The following SEMA3A variants were observed in gnomAD, a reference collection of about 807,000 sequenced individuals.
SEMA3A encodes semaphorin-3A.
Under a neutral mutation model 97.9 loss-of-function variants are expected in SEMA3A, and 29 were observed. That is an observed-to-expected ratio of 0.30 (90% CI 0.22 to 0.40). The LOEUF is 0.40. Among genes scored for constraint, SEMA3A ranks in the 10% least tolerant of loss-of-function variants. The pLI, the probability that SEMA3A is intolerant of heterozygous loss-of-function variation, is 1.00. For synonymous variants in SEMA3A, 321 were observed against 323.7 expected (o/e 0.99, Z 0.09); for missense variants, 763 against 951.3 (o/e 0.80, Z 2.60).
rs771879089 is a variant in SEMA3A at position 83,957,129 on chromosome 7, T to A, written c.*4242A>T. On this transcript the variant is annotated 3_prime_UTR_variant, in exon 17 of 17. Transcript: ENST00000265362. ...GGAGATGGAAACATAAACAAATAAA[T>A]CACACATTGGGGTAGTGTGACAATA... 2.6e-5 allele frequency: 4 copies of A among 152,282 alleles called. No individual in the cohort carries two copies. Among genetic ancestry groups the A allele is most frequent in the Non-Finnish European group, 5.9e-5 (4 of 68,184 alleles). 9.4% of individuals were successfully genotyped at this position (152,282 alleles called of 1,614,324 possible).
chr7:84,272,540 A>G (rs1800177462), intron 3 of SEMA3A, among the ~76,000 whole-genome samples: 1 of 152,120 alleles, frequency 6.6e-6, no homozygotes, highest in Admixed American at 6.6e-5. Context: ...GGAACTAGGC[A>G]ACAAAATAAG....
intron 2 of SEMA3A, among the ~76,000 whole-genome samples, chr7:84,327,208 T>A (rs1420252151): frequency 1.3e-5 from 2 of 151,996 alleles, no homozygotes; most frequent in Non-Finnish European, 2.9e-5. Flanking sequence ...CATTTGCCTA[T>A]GAGAGAATTC....
At chr7:84,403,689 G>T (rs980503590) in intron 1 of SEMA3A, among the ~76,000 whole-genome samples, 11 of 152,106 alleles carry the variant, frequency 7.2e-5, no homozygotes, top group African/African-American at 2.7e-4. Flanking sequence ...ACTCCTCTGA[G>T]ACAAAACTTC....
At chr7:84,173,559 C>CAAAAAAA (rs34919422) in intron 1 of SEMA3A, among the ~76,000 whole-genome samples, 14 of 80,678 alleles carry the variant, frequency 1.7e-4, no homozygotes, top group African/African-American at 6.5e-4. Flanking sequence ...AACTCTGTCT[C>CAAAAAAA]AAAAAAAAAA....
intron 6 of SEMA3A, among the ~76,000 whole-genome samples, chr7:84,032,239 C>T (rs898312825): frequency 7.2e-5 from 11 of 151,946 alleles, no homozygotes; most frequent in African/African-American, 2.7e-4. Context: ...AAGAATGTGG[C>T]CTGATTCTTA....
intron 1 of SEMA3A, among the ~76,000 whole-genome samples, chr7:84,471,354 A>G (rs965642910): frequency 1.4e-4 from 22 of 152,104 alleles, no homozygotes; most frequent in African/African-American, 5.1e-4. Flanking sequence ...TTTATATTTC[A>G]CTTATTAAAC....
chr7:84,031,419 CTA>C (rs1345027494), intron 6 of SEMA3A, among the ~76,000 whole-genome samples: 7 of 152,252 alleles, frequency 4.6e-5, no homozygotes, highest in East Asian at 1.9e-4. Context: ...CCAAAAAATT[CTA>C]TACATGAGTC....
At chr7:84,079,228 C>A (rs549891684) in intron 4 of SEMA3A, among the ~76,000 whole-genome samples, 4 of 151,722 alleles carry the variant, frequency 2.6e-5, no homozygotes, top group Non-Finnish European at 5.9e-5. Flanking sequence ...CTTAAACATT[C>A]GACCTAAAAC....
chr7:84,049,596 G>A (rs999727652), intron 5 of SEMA3A, among the ~76,000 whole-genome samples: 1 of 151,906 alleles, frequency 6.6e-6, no homozygotes, highest in African/African-American at 2.4e-5. Flanking sequence ...TACCTCAGTT[G>A]GCTTATTTTG....
chr7:84,121,634 A>C (rs1795621202), intron 3 of SEMA3A, among the ~76,000 whole-genome samples: 1 of 25,048 alleles, frequency 4.0e-5, no homozygotes. Flanking sequence ...GGTTGGTTCC[A>C]AGTCTTTTTT....
intron 5 of SEMA3A, among the ~76,000 whole-genome samples, chr7:84,053,780 G>A (rs1211908796): frequency 2.8e-5 from 4 of 145,346 alleles, no homozygotes; most frequent in South Asian, 2.3e-4. Flanking sequence ...TATTTTGCTC[G>A]TTAATTGATG....
chr7:84,069,829 C>T (rs1461343503), intron 4 of SEMA3A, among the ~76,000 whole-genome samples: 1 of 152,060 alleles, frequency 6.6e-6, no homozygotes, highest in Non-Finnish European at 1.5e-5. Context: ...ACTAATATTG[C>T]TGTTTCTGTT....
At chr7:84,323,556 C>T (rs904853276) in intron 2 of SEMA3A, among the ~76,000 whole-genome samples, 14 of 151,524 alleles carry the variant, frequency 9.2e-5, no homozygotes, top group African/African-American at 3.2e-4. Flanking sequence ...AGAGTGAAAA[C>T]GAGTAAATTT....
chr7:84,344,284 A>G (rs1405395551), intron 2 of SEMA3A, among the ~76,000 whole-genome samples: 1 of 152,102 alleles, frequency 6.6e-6, no homozygotes, highest in Non-Finnish European at 1.5e-5. Context: ...TTCCACTTAA[A>G]CAAACAGAAA....
intron 1 of SEMA3A, among the ~76,000 whole-genome samples, chr7:84,377,059 G>A (rs1584275062): frequency 6.6e-6 from 1 of 152,092 alleles, no homozygotes; most frequent in African/African-American, 2.4e-5. Context: ...TTGGTTGCTT[G>A]TATTTTTGAG....
intron 1 of SEMA3A, among the ~76,000 whole-genome samples, chr7:84,143,799 C>CA (rs71522691): frequency 1.5e-4 from 22 of 145,574 alleles, no homozygotes; most frequent in African/African-American, 3.3e-4. Context: ...GAGACCCTGT[C>CA]AAAAAAAAAA....
chr7:84,216,774 A>T (rs1339571876), intron 3 of SEMA3A, among the ~76,000 whole-genome samples: 1 of 152,142 alleles, frequency 6.6e-6, no homozygotes, highest in Non-Finnish European at 1.5e-5. Flanking sequence ...AAATTCTAAA[A>T]TTAGATACTA....
chr7:84,429,727 G>T (rs1804928422), intron 1 of SEMA3A, among the ~76,000 whole-genome samples: 1 of 150,468 alleles, frequency 6.6e-6, no homozygotes, highest in African/African-American at 2.5e-5. Context: ...CTTATCCAAG[G>T]GTGTTCTGTC....
At chr7:84,308,217 T>C (rs1431138932) in intron 2 of SEMA3A, among the ~76,000 whole-genome samples, 2 of 152,146 alleles carry the variant, frequency 1.3e-5, no homozygotes, top group East Asian at 3.9e-4. Context: ...TAGAATATAT[T>C]GTCCTATATG....
Sources: gnomAD v4.1 joint callset for allele counts (sites outside exome capture counted in the v4.1 genomes callset) on GRCh38, gnomAD v4.1.1 for gene constraint, MANE v1.5 for transcripts, NCBI Gene and HGNC (gene_info 2026-07-23, HGNC 2026-07-21) for gene names.